ST14: variants seen among roughly 807,000 people sequenced by gnomAD.
ST14 encodes the protein suppressor of tumorigenicity 14 protein.
In ST14, 40 loss-of-function variants were observed where a neutral mutation model predicts 96.5. The ratio of observed to expected loss-of-function variants is 0.41; its 90% CI spans 0.32 to 0.54. The LOEUF is 0.54. Among genes scored for constraint, ST14 ranks in the 20% least tolerant of loss-of-function variants. ST14 has a pLI of 0.17. For synonymous variants in ST14, 506 were observed against 492.1 expected (o/e 1.03, Z -0.37); for missense variants, 1,066 against 1,188.9 (o/e 0.90, Z 1.52).
At chr11:130,196,509 G>T in intron 10 of ST14, 61 bp downstream of exon 10, 1 of 1,575,254 alleles carries the variant, frequency 6.3e-7, no homozygotes, top group African/African-American at 1.3e-5. Flanking sequence ...GGTCCCACCA[G>T]ACCCCCAGCC....
chr11:130,169,791 T>C (rs1953073707), intron 1 of ST14, among the ~76,000 whole-genome samples: 1 of 152,136 alleles, frequency 6.6e-6, no homozygotes, highest in South Asian at 2.1e-4. Context: ...AAAGGCACAC[T>C]AGCTCGTGAA....
intron 1 of ST14, among the ~76,000 whole-genome samples, chr11:130,177,171 T>A (rs1203148839): frequency 6.6e-6 from 1 of 152,030 alleles, no homozygotes; most frequent in Non-Finnish European, 1.5e-5. Flanking sequence ...CTTTCTGACT[T>A]CCAACTCTAT....
intron 1 of ST14, among the ~76,000 whole-genome samples, chr11:130,169,755 G>A (rs937539119): frequency 2.6e-5 from 4 of 152,190 alleles, no homozygotes; most frequent in Non-Finnish European, 5.9e-5. Context: ...GAATCTACAA[G>A]TATCTCCATA....
chr11:130,167,356 T>C (rs1227570797), intron 1 of ST14, among the ~76,000 whole-genome samples: 2 of 152,210 alleles, frequency 1.3e-5, no homozygotes, highest in Admixed American at 6.5e-5. Context: ...TCACACAATA[T>C]AGAAATGTAC....
intron 1 of ST14, among the ~76,000 whole-genome samples, chr11:130,185,372 G>A (rs1409174371): frequency 1.3e-5 from 2 of 152,156 alleles, no homozygotes; most frequent in Non-Finnish European, 2.9e-5. Flanking sequence ...GAAATGAAAG[G>A]GAGACATAAT....
intron 1 of ST14, among the ~76,000 whole-genome samples, chr11:130,169,182 C>T (rs990749330): frequency 6.7e-6 from 1 of 150,096 alleles, no homozygotes; most frequent in Non-Finnish European, 1.5e-5. Context: ...GCAACCTCCG[C>T]CTCCCTGGTT....
At chr11:130,198,107 A>G (rs948259131) in intron 12 of ST14, among the ~76,000 whole-genome samples, 162 bp downstream of exon 12, 1 of 152,134 alleles carries the variant, frequency 6.6e-6, no homozygotes, top group African/African-American at 2.4e-5. Context: ...CCACCCTGCC[A>G]TATGGAGATC....
chr11:130,182,328 T>C (rs1318135816), intron 1 of ST14, among the ~76,000 whole-genome samples: 1 of 152,182 alleles, frequency 6.6e-6, no homozygotes, highest in Non-Finnish European at 1.5e-5. Context: ...TTTCCTTTTT[T>C]TTTTTGAGAT....
chr11:130,194,200 GA>G lies in ST14; in HGVS notation c.929del (p.Asn310ThrfsTer7). The G allele has an allele frequency of 6.2e-7, 1 of 1,614,208 alleles. No homozygotes were observed. The highest frequency in any genetic ancestry group is 8.5e-7 in the Non-Finnish European group (1 of 1,180,038). On this transcript the variant is annotated frameshift_variant, in exon 8 of 19. Coordinates refer to ENST00000278742, the MANE Select transcript of ST14 (RefSeq NM_021978.4). LOFTEE classifies it high-confidence loss of function. ...SYNLTFHSSQ[N>X]VLLITLITNT... Reference sequence around the variant, plus strand: ...ACAACCTGACCTTCCACTCCTCCCAGAACGTCCTGCTCATCACACTGATAAC... The same window carrying G: ...ACAACCTGACCTTCCACTCCTCCCAGACGTCCTGCTCATCACACTGATAAC...
chr11:130,194,878 G>A (rs1024926131), intron 9 of ST14, 141 bp downstream of exon 9: 42 of 799,278 alleles, frequency 5.3e-5, no homozygotes, highest in South Asian at 1.8e-4. Flanking sequence ...GTGTGTGTGC[G>A]TATGTGTGTG....
intron 1 of ST14, among the ~76,000 whole-genome samples, chr11:130,175,738 A>T (rs1953131079): frequency 6.6e-6 from 1 of 150,662 alleles, no homozygotes; most frequent in Non-Finnish European, 1.5e-5. Context: ...ATCTCGGCTC[A>T]CTGCAACCTC....
chr11:130,197,296 C>T (rs1953377032), intron 11 of ST14, among the ~76,000 whole-genome samples: 1 of 152,246 alleles, frequency 6.6e-6, no homozygotes, highest in African/African-American at 2.4e-5. Flanking sequence ...ACCGAAGTGT[C>T]CCTGTGCCGA....
chr11:130,164,971 A>G (rs1028606096), intron 1 of ST14, among the ~76,000 whole-genome samples: 4 of 152,252 alleles, frequency 2.6e-5, no homozygotes, highest in Non-Finnish European at 5.9e-5. Flanking sequence ...TCCTGAGATC[A>G]GGTGATCTGC....
intron 16 of ST14, among the ~76,000 whole-genome samples, chr11:130,206,822 C>A (rs1280094408): frequency 6.6e-6 from 1 of 152,074 alleles, no homozygotes; most frequent in Non-Finnish European, 1.5e-5. Flanking sequence ...CCCACCTCGG[C>A]CTCCCAAAGT....
intron 7 of ST14, among the ~76,000 whole-genome samples, chr11:130,191,995 G>A (rs1953308460): frequency 6.6e-6 from 1 of 152,192 alleles, no homozygotes; most frequent in Admixed American, 6.5e-5. Context: ...ACAGTCAGCA[G>A]GGCCTCAGAT....
chr11:130,181,304 C>A lies in ST14; in HGVS notation c.82-6810C>A, dbSNP rs1040798485. Among the ~76,000 whole-genome samples, 1 of 152,102 alleles carries A rather than the reference C, an allele frequency of 6.6e-6. No homozygotes were observed. The highest frequency in any genetic ancestry group is 2.4e-5 in the African/African-American group (1 of 41,414). On this transcript the variant is annotated intron_variant, in intron 1 of 18. Coordinates refer to ENST00000278742, the MANE Select transcript of ST14 (RefSeq NM_021978.4). The surrounding 1 kb of genome is among the most constrained non-coding windows in gnomAD (Gnocchi z 4.1). ...CCTGAGCCCTTTATCCCCAACCTCC[C>A]GCCTGGAAGTCATTCCTCGTTCCCT...
chr11:130,185,546 C>T (rs1339739601), intron 1 of ST14, among the ~76,000 whole-genome samples: 1 of 152,130 alleles, frequency 6.6e-6, no homozygotes, highest in Non-Finnish European at 1.5e-5. Flanking sequence ...GTCCTACCTA[C>T]TCAGGAGGCT....
chr11:130,199,994 G>A lies in ST14; in HGVS notation c.1851G>A (p.Gly617=), dbSNP rs749372473. 2 of 1,614,096 alleles carry A rather than the reference G, an allele frequency of 1.2e-6. No homozygotes were observed. Among genetic ancestry groups the A allele is most frequent in the South Asian group, 2.2e-5 (2 of 91,072 alleles). ...TCACGAGACAGGCTCGTGTTGTTGG[G>A]GGCACGGATGCGGATGAGGGCGAGT... The part of the protein sequence containing the change: ...RSFTRQARVV[G]GTDADEGEWP... Residue 617 remains glycine (G), a synonymous_variant, in exon 16 of 19, where the codon GGG becomes GGA. Coordinates refer to ENST00000278742, the MANE Select transcript of ST14 (RefSeq NM_021978.4).
chr11:130,196,299 G>A (rs1300749611), intron 9 of ST14, 40 bp from the exon 10 acceptor site: 2 of 1,506,046 alleles, frequency 1.3e-6, no homozygotes, highest in Non-Finnish European at 1.8e-6. Context: ...AGGGAGGAGG[G>A]AGGGGAACTG....
Sources: allele counts gnomAD v4.1 joint callset (sites outside exome capture counted in the v4.1 genomes callset), GRCh38; gene constraint gnomAD v4.1.1; non-coding constraint Gnocchi (gnomAD v3.1); transcripts MANE v1.5; gene names NCBI Gene and HGNC (gene_info 2026-07-23, HGNC 2026-07-21).